The following U2SURP variants were observed in gnomAD, a reference collection of about 807,000 sequenced individuals.
U2SURP encodes U2 snRNP-associated SURP motif-containing protein.
Under a neutral mutation model 144.9 loss-of-function variants are expected in U2SURP, and 9 were observed. The observed-to-expected ratio is 0.06, with a 90% CI of 0.04 to 0.11. The LOEUF is 0.11. Among genes scored for constraint, U2SURP ranks in the 10% least tolerant of loss-of-function variants. U2SURP has a pLI of 1.00. For missense variants in U2SURP, 724 were observed against 1,226.7 expected (o/e 0.59, Z 6.12); for synonymous variants, 408 against 396.8 (o/e 1.03, Z -0.33).
chr3:143,021,063 T>A (rs1041356177), intron 8 of U2SURP, among the ~76,000 whole-genome samples: 1 of 152,100 alleles, frequency 6.6e-6, no homozygotes, highest in Non-Finnish European at 1.5e-5. Context: ...TGGTGGTGCG[T>A]GCCTGTAATC....
intron 2 of U2SURP, among the ~76,000 whole-genome samples, 164 bp downstream of exon 2, chr3:143,011,023 T>G (rs1382675232): frequency 2.0e-5 from 3 of 152,028 alleles, no homozygotes; most frequent in East Asian, 1.9e-4. Context: ...TTTTATGTTC[T>G]GCTTGCATAA....
chr3:143,052,950 G>GTTTTTT, intron 25 of U2SURP, among the ~76,000 whole-genome samples: 1 of 132,914 alleles, frequency 7.5e-6, no homozygotes, highest in Non-Finnish European at 1.6e-5. Flanking sequence ...AAATGTGTTG[G>GTTTTTT]TTTTTTTTTT....
chr3:143,042,596 C>T (rs554688611), intron 23 of U2SURP, among the ~76,000 whole-genome samples: 34 of 152,148 alleles, frequency 2.2e-4, no homozygotes, highest in African/African-American at 8.2e-4. Flanking sequence ...TTATCCCTCA[C>T]CCCCCTCCCA....
At chr3:143,044,101 G>A (rs951921302) in intron 24 of U2SURP, among the ~76,000 whole-genome samples, 3 of 152,018 alleles carry the variant, frequency 2.0e-5, no homozygotes, top group African/African-American at 7.3e-5. Flanking sequence ...CTAGGAAAAA[G>A]TAAAATATTT....
chr3:143,010,960 T>A, intron 2 of U2SURP, 101 bp downstream of exon 2: 1 of 873,886 alleles, frequency 1.1e-6, no homozygotes, highest in Non-Finnish European at 1.7e-6. Flanking sequence ...TAAATACAAT[T>A]GTATGTGCTT....
At chr3:143,046,230 G>GT (rs1443481535) in intron 24 of U2SURP, among the ~76,000 whole-genome samples, 1 of 121,890 alleles carries the variant, frequency 8.2e-6, no homozygotes, top group Non-Finnish European at 1.7e-5. Flanking sequence ...CAAAAATCTT[G>GT]TACCTATATG....
chr3:143,010,174 G>A (rs1352975364), intron 1 of U2SURP, among the ~76,000 whole-genome samples: 2 of 152,186 alleles, frequency 1.3e-5, no homozygotes, highest in Non-Finnish European at 2.9e-5. Context: ...AATCTGATAG[G>A]TAGATCACTT....
chr3:143,027,988 A>G (rs1304149295), intron 14 of U2SURP, among the ~76,000 whole-genome samples: 1 of 152,210 alleles, frequency 6.6e-6, no homozygotes, highest in Non-Finnish European at 1.5e-5. Context: ...ATTCTTAGAC[A>G]CTAGTTTAAC....
intron 25 of U2SURP, 32 bp downstream of exon 25, chr3:143,051,081 A>G (rs752285402): frequency 1.5e-6 from 2 of 1,339,614 alleles, no homozygotes; most frequent in Admixed American, 2.1e-5. Context: ...TAATACACAT[A>G]TTTTGAAGTT....
intron 2 of U2SURP, 113 bp from the exon 3 acceptor site, chr3:143,012,109 G>GAT: frequency 1.5e-6 from 2 of 1,324,410 alleles, no homozygotes; most frequent in Non-Finnish European, 2.1e-6. Flanking sequence ...GTGATATTTT[G>GAT]ATAATCTACA....
At chr3:143,009,773 T>C (rs1936029324) in intron 1 of U2SURP, among the ~76,000 whole-genome samples, 1 of 152,166 alleles carries the variant, frequency 6.6e-6, no homozygotes, top group East Asian at 1.9e-4. Context: ...GTCTGGACAA[T>C]GTAAATAAAA....
At chr3:143,019,222 T>TTC (rs1342020562) in intron 6 of U2SURP, among the ~76,000 whole-genome samples, 1 of 152,200 alleles carries the variant, frequency 6.6e-6, no homozygotes, top group Admixed American at 6.5e-5. Flanking sequence ...ATGTTTTCTG[T>TTC]TCTCTGGGTT....
At position 143,051,017 on chromosome 3, in the gene U2SURP, G is replaced by A. The variant is rs772196941; in HGVS notation, c.2623G>A (p.Val875Ile). ...KKPGQSFQEQVEHYRDKLLQR... is the reference protein window; with the variant it reads ...KKPGQSFQEQIEHYRDKLLQR... Reference sequence around the variant, plus strand: ...ACCAGGCCAGAGTTTTCAGGAGCAAGTAGAACACTACAGAGATAAACTTCT... The same window carrying A: ...ACCAGGCCAGAGTTTTCAGGAGCAAATAGAACACTACAGAGATAAACTTCT... The change falls in exon 25 of 28, where the codon GTA becomes ATA. Residue 875 changes from valine to isoleucine, a missense_variant. Val to Ile is a conservative substitution (Grantham distance 29). Coordinates refer to ENST00000473835, the MANE Select transcript of U2SURP (RefSeq NM_001080415.2). 1 of 1,612,634 alleles carries A rather than the reference G, an allele frequency of 6.2e-7. No individual in the cohort carries two copies. The highest frequency in any genetic ancestry group is 8.5e-7 in the Non-Finnish European group (1 of 1,179,148).
At chr3:143,031,568 A>C (rs1332989424) in intron 16 of U2SURP, among the ~76,000 whole-genome samples, 2 of 151,484 alleles carry the variant, frequency 1.3e-5, no homozygotes, top group African/African-American at 2.4e-5. Flanking sequence ...TTTAACAAGA[A>C]AGTATTTTTA....
At chr3:143,050,034 A>C (rs1934770636) in intron 24 of U2SURP, among the ~76,000 whole-genome samples, 1 of 151,856 alleles carries the variant, frequency 6.6e-6, no homozygotes, top group Admixed American at 6.6e-5. Flanking sequence ...ACCTTTGTGC[A>C]CTTATATAGG....
At chr3:143,044,529 TTTC>T (rs1934313773) in intron 24 of U2SURP, among the ~76,000 whole-genome samples, 1 of 151,980 alleles carries the variant, frequency 6.6e-6, no homozygotes, top group Non-Finnish European at 1.5e-5. Context: ...TTAAATGCCT[TTTC>T]TTTTGTCCAA....
At chr3:143,031,688 T>C (rs192551191) in intron 16 of U2SURP, among the ~76,000 whole-genome samples, 1 of 152,354 alleles carries the variant, frequency 6.6e-6, no homozygotes, top group Admixed American at 6.5e-5. Flanking sequence ...AAAACTTATG[T>C]GATTGGCTAT....
At chr3:143,012,004 C>T (rs1936138179) in intron 2 of U2SURP, 2 of 663,836 alleles carry the variant, frequency 3.0e-6, no homozygotes, top group Non-Finnish European at 5.5e-6. Context: ...ACAACTGTTA[C>T]CAATATAAAA....
In U2SURP at chr3:143,012,254, G is replaced by A. The variant is rs773368416; in HGVS notation, c.123G>A (p.Met41Ile). The A allele has an allele frequency of 1.9e-6, 3 of 1,613,060 alleles. No homozygotes were observed. The highest frequency in any genetic ancestry group is 2.5e-6 in the Non-Finnish European group (3 of 1,179,424). Residue 41 changes from methionine to isoleucine, a missense_variant, in exon 3 of 28, where the codon ATG becomes ATA. Met to Ile is a conservative substitution (Grantham distance 10, BLOSUM62 1). Transcript: ENST00000473835. ...CATCTGGACCCTCAGATAGTGATATGCCAAGTCGGACACGACCTAAGAGCC... is the reference window on the plus strand; with the variant it reads ...CATCTGGACCCTCAGATAGTGATATACCAAGTCGGACACGACCTAAGAGCC... ...MDASGPSDSD[M>I]PSRTRPKSPR...
Sources: allele counts gnomAD v4.1 joint callset (sites outside exome capture counted in the v4.1 genomes callset), GRCh38; gene constraint gnomAD v4.1.1; transcripts MANE v1.5; gene names NCBI Gene and HGNC (gene_info 2026-07-23, HGNC 2026-07-21).